CNTN5: variants seen among roughly 807,000 people sequenced by gnomAD.
CNTN5 encodes the protein contactin-5.
Under a neutral mutation model 129.1 loss-of-function variants are expected in CNTN5, and 77 were observed. The ratio of observed to expected loss-of-function variants is 0.60; its 90% CI spans 0.50 to 0.72. The LOEUF is 0.72. Ranked by LOEUF, CNTN5 falls within the 30% of genes least tolerant of loss-of-function variation. The pLI, the probability that CNTN5 is intolerant of heterozygous loss-of-function variation, is 0.00. For missense variants in CNTN5, 1,478 were observed against 1,328.8 expected (o/e 1.11, Z -1.75); for synonymous variants, 509 against 465.6 (o/e 1.09, Z -1.20).
chr11:100,006,391 T>C (rs2137498976), intron 9 of CNTN5, among the ~76,000 whole-genome samples: 1 of 152,240 alleles, frequency 6.6e-6, no homozygotes, highest in Non-Finnish European at 1.5e-5. Context: ...AGAACTTCTT[T>C]CAAAATTGGA....
At chr11:99,373,399 T>C (rs1206445053) in intron 2 of CNTN5, among the ~76,000 whole-genome samples, 2 of 151,982 alleles carry the variant, frequency 1.3e-5, no homozygotes, top group Non-Finnish European at 2.9e-5. Flanking sequence ...CCATCTTTCA[T>C]GTTTCCCCAT....
At chr11:100,265,452 C>A (rs1419799807) in intron 17 of CNTN5, among the ~76,000 whole-genome samples, 1 of 152,114 alleles carries the variant, frequency 6.6e-6, no homozygotes, top group East Asian at 1.9e-4. Context: ...TGGAGCCACA[C>A]CAGCTCCACT....
At position 99,239,934 on chromosome 11, in the gene CNTN5, CT is replaced by C. The variant is rs1366616261; in HGVS notation, c.-209-85411del. 3.9e-4 allele frequency among the ~76,000 whole-genome samples: 38 copies of C among 97,008 alleles called. 1 individual carries two copies. Among genetic ancestry groups the C allele is most frequent in the Admixed American group, 3.4e-3 (33 of 9,566 alleles). The allele number at this position is 97,008 out of a possible 152,430, so 63.6% of individuals were successfully genotyped here. A position where few individuals can be genotyped will look rare whatever the true frequency, so the allele number is the denominator to read the frequency against. On this transcript the variant is annotated intron_variant, in intron 1 of 24. Transcript: ENST00000524871. ...CCTGGGCGACAGAGCGAGACTCCGT[CT>C]CAAAAAAAAAAAAAAAAAAAATTTA... is the stretch of plus-strand genomic sequence containing the variant.
chr11:99,895,614 G>A (rs561516887), intron 6 of CNTN5, among the ~76,000 whole-genome samples: 95 of 152,282 alleles, frequency 6.2e-4, no homozygotes, highest in Non-Finnish European at 1.1e-3. Context: ...CTGGTATGGA[G>A]CCGAGGAAAG....
At chr11:99,267,256 C>T (rs566899635) in intron 1 of CNTN5, among the ~76,000 whole-genome samples, 2 of 151,958 alleles carry the variant, frequency 1.3e-5, no homozygotes, top group Non-Finnish European at 2.9e-5. Context: ...TGCAAACTTC[C>T]AACTAGTTCT....
At chr11:99,452,886 A>G (rs1944360842) in intron 2 of CNTN5, among the ~76,000 whole-genome samples, 1 of 152,154 alleles carries the variant, frequency 6.6e-6, no homozygotes. Context: ...AAGTCCATAT[A>G]TTTTCTCATC....
chr11:100,006,755 G>C (rs995509994), intron 9 of CNTN5, among the ~76,000 whole-genome samples: 3 of 127,056 alleles, frequency 2.4e-5, no homozygotes, highest in African/African-American at 1.1e-4. Flanking sequence ...ATGAATCACA[G>C]CTGTTCTTAA....
At chr11:99,251,347 A>G (rs1418662791) in intron 1 of CNTN5, among the ~76,000 whole-genome samples, 1 of 151,950 alleles carries the variant, frequency 6.6e-6, no homozygotes, top group African/African-American at 2.4e-5. Context: ...CCAGGTATAC[A>G]TGTGTGTGGA....
intron 8 of CNTN5, among the ~76,000 whole-genome samples, chr11:99,981,509 C>A (rs994716424): frequency 6.6e-6 from 1 of 152,142 alleles, no homozygotes; most frequent in African/African-American, 2.4e-5. Context: ...CTAGTCCACT[C>A]AGATTCACAT....
At chr11:100,086,928 G>A (rs1944579106) in intron 13 of CNTN5, among the ~76,000 whole-genome samples, 1 of 151,590 alleles carries the variant, frequency 6.6e-6, no homozygotes, top group African/African-American at 2.4e-5. Context: ...AAAGAGGGGA[G>A]TTGAAAATGA....
intron 15 of CNTN5, among the ~76,000 whole-genome samples, chr11:100,195,895 G>GA (rs1271919193): frequency 6.6e-6 from 1 of 151,772 alleles, no homozygotes; most frequent in Non-Finnish European, 1.5e-5. Flanking sequence ...ATTATGTCTG[G>GA]AAAATAATGC....
intron 6 of CNTN5, among the ~76,000 whole-genome samples, chr11:99,881,703 G>A (rs969581990): frequency 6.6e-6 from 1 of 152,198 alleles, no homozygotes; most frequent in Non-Finnish European, 1.5e-5. Flanking sequence ...AATCTGCCCT[G>A]AGGCAATGAT....
At chr11:99,909,967 T>TAA (rs77199469) in intron 6 of CNTN5, among the ~76,000 whole-genome samples, 1 of 151,800 alleles carries the variant, frequency 6.6e-6, no homozygotes, top group Non-Finnish European at 1.5e-5. Context: ...ATAATAATAA[T>TAA]AAAAAAAGAA....
At chr11:99,614,788 T>C (rs1469385958) in intron 3 of CNTN5, among the ~76,000 whole-genome samples, 1 of 152,144 alleles carries the variant, frequency 6.6e-6, no homozygotes, top group Non-Finnish European at 1.5e-5. Context: ...TTTTTTTTTA[T>C]TGTACCCCAC....
At chr11:99,616,201 T>C (rs1334279961) in intron 3 of CNTN5, among the ~76,000 whole-genome samples, 1 of 152,194 alleles carries the variant, frequency 6.6e-6, no homozygotes, top group Non-Finnish European at 1.5e-5. Flanking sequence ...ATAAGTCCGC[T>C]CTGTTCCCTC....
rs144562880 is a variant in CNTN5 at position 99,908,135 on chromosome 11, G to T, written c.578-7919G>T. Among the ~76,000 whole-genome samples, 1,513 of 152,098 alleles carry T rather than the reference G, an allele frequency of 9.9e-3. 14 individuals carry two copies. The highest frequency in any genetic ancestry group is 0.017 in the Middle Eastern group (5 of 294). On this transcript the variant is annotated intron_variant, in intron 6 of 24. Coordinates refer to ENST00000524871, the MANE Select transcript of CNTN5 (RefSeq NM_014361.4). ...CAAGTGTTTTTGTTTTTTTACACTT[G>T]CAGTGTAAGAGCAGAATAGGCAGAT...
chr11:99,453,610 C>T (rs575530009), intron 2 of CNTN5, among the ~76,000 whole-genome samples: 6 of 152,126 alleles, frequency 3.9e-5, no homozygotes, highest in South Asian at 4.2e-4. Flanking sequence ...AATTTATGAG[C>T]GATGAAAAAA....
intron 4 of CNTN5, among the ~76,000 whole-genome samples, chr11:99,825,341 A>C (rs1481703632): frequency 1.3e-5 from 2 of 151,938 alleles, no homozygotes; most frequent in Admixed American, 1.3e-4. Context: ...GTCTATAGTG[A>C]TTATCACTAA....
chr11:99,301,936 A>C (rs924855283), intron 1 of CNTN5, among the ~76,000 whole-genome samples: 14 of 151,666 alleles, frequency 9.2e-5, no homozygotes, highest in African/African-American at 2.9e-4. Flanking sequence ...GAGTTTTAAA[A>C]ATTGAATATT....
Sources: gnomAD v4.1 joint callset for allele counts (sites outside exome capture counted in the v4.1 genomes callset) on GRCh38, gnomAD v4.1.1 for gene constraint, MANE v1.5 for transcripts, NCBI Gene and HGNC (gene_info 2026-07-23, HGNC 2026-07-21) for gene names.